Variants in TMPRSS2 observed in about 807,000 individuals in gnomAD.
The protein encoded by TMPRSS2 is transmembrane protease serine 2.
A neutral mutation model predicts 67.4 loss-of-function variants in TMPRSS2; 59 were observed. That is an observed-to-expected ratio of 0.88 (90% CI 0.71 to 1.09). The LOEUF (loss-of-function observed/expected upper bound fraction) is 1.09. Among genes scored for constraint, TMPRSS2 ranks in the 50% least tolerant of loss-of-function variants. The pLI is 0.00. For synonymous variants in TMPRSS2, 257 were observed against 257.0 expected, an observed-to-expected ratio of 1.00 and a Z score of 0.00; for missense variants, 668 against 642.7, an observed-to-expected ratio of 1.04 and a Z score of -0.43.
At position 41,467,816 on chromosome 21, in the gene TMPRSS2, C is replaced by T. The variant is rs936556491; in HGVS notation, c.1385G>A (p.Gly462Asp). The T allele has an allele frequency of 3.7e-6, 6 of 1,614,122 alleles. No homozygotes were observed. Among genetic ancestry groups the T allele is most frequent in the Non-Finnish European group, 2.5e-6 (3 of 1,180,054 alleles). ...TCTGTAAGCTTTGGCACAGCCAGAA[C>T]CCCAGCTTGTATCCCCTATCAGCCA... Reference protein sequence around the residue: ...IWWLIGDTSWGSGCAKAYRPG... With the variant: ...IWWLIGDTSWDSGCAKAYRPG... Residue 462 changes from glycine to aspartate, a missense_variant, in exon 13 of 14, where the codon GGT (glycine) becomes GAT (aspartate). By Grantham distance (94) the Gly-to-Asp change is moderately conservative. Coordinates refer to ENST00000332149, the MANE Select transcript of TMPRSS2 (RefSeq NM_005656.4).
chr21:41,471,912 T>A lies in TMPRSS2; in HGVS notation c.969A>T (p.Gly323=), dbSNP rs2146427961. ...GILRQSFMFY[G]AGYQVEKVIS... is the part of the protein sequence containing the mutation. ...TCACTTTTTCTACTTGGTATCCGGCTCCATAGAACATGAAAGATTGTCTCA... is the reference window on the plus strand; with the variant it reads ...TCACTTTTTCTACTTGGTATCCGGCACCATAGAACATGAAAGATTGTCTCA... The change falls in exon 10 of 14, where the codon GGA becomes GGT. Residue 323 remains glycine (G), a synonymous_variant. Transcript: ENST00000332149. 2 of 1,613,380 alleles carry A rather than the reference T, an allele frequency of 1.2e-6. No individual in the cohort carries two copies. The highest frequency in any genetic ancestry group is 1.7e-6 in the Non-Finnish European group (2 of 1,179,840).
At chr21:41,469,334 C>T (rs1480935124) in intron 11 of TMPRSS2, among the ~76,000 whole-genome samples, 1 of 152,060 alleles carries the variant, frequency 6.6e-6, no homozygotes, top group Non-Finnish European at 1.5e-5. Context: ...AGCTGGCTTC[C>T]TGTCTCAAGG....
chr21:41,468,378 A>C lies in TMPRSS2; in HGVS notation c.1314+18T>G. 6.2e-7 allele frequency: 1 copy of C among 1,614,002 alleles called. No homozygotes were observed. The highest frequency in any genetic ancestry group is 8.5e-7 in the Non-Finnish European group (1 of 1,179,962). On this transcript the variant is annotated intron_variant, in intron 12 of 13. Coordinates refer to ENST00000332149, the MANE Select transcript of TMPRSS2 (RefSeq NM_005656.4). ...GGATCTGGTAAGGACCAAAGGTAGA[A>C]TAAAAATGTTGAATTACCTGGCAAG... is the stretch of plus-strand genomic sequence containing the variant.
intron 1 of TMPRSS2, among the ~76,000 whole-genome samples, chr21:41,500,467 T>C (rs958019600): frequency 6.6e-6 from 1 of 152,212 alleles, no homozygotes; most frequent in Non-Finnish European, 1.5e-5. Flanking sequence ...ACACCATCGC[T>C]TTCCTGTGTC....
intron 3 of TMPRSS2, among the ~76,000 whole-genome samples, chr21:41,493,421 G>C (rs555725136): frequency 6.6e-6 from 1 of 152,258 alleles, no homozygotes; most frequent in South Asian, 2.1e-4. Flanking sequence ...GAGTGGGGGA[G>C]AGGTGGGGAC....
chr21:41,470,847 G>T, intron 10 of TMPRSS2, 104 bp from the exon 11 acceptor site: 1 of 805,222 alleles, frequency 1.2e-6, no homozygotes, highest in Non-Finnish European at 2.0e-6. Flanking sequence ...TGGCCACCCT[G>T]CCCAGAGGAC....
chr21:41,466,116 G>A lies in TMPRSS2; in HGVS notation c.*26C>T, dbSNP rs1003138025. On this transcript the variant is annotated 3_prime_UTR_variant, in exon 14 of 14. Transcript: ENST00000332149. ...CAGCCCCATTGTTTTCTTGTAAAACGACGTCAAGGACGAAGACCATGTGGA... is the reference window on the plus strand; with the variant it reads ...CAGCCCCATTGTTTTCTTGTAAAACAACGTCAAGGACGAAGACCATGTGGA... 8 of 1,613,536 alleles carry A rather than the reference G, an allele frequency of 5.0e-6. No individual in the cohort carries two copies. The highest frequency in any genetic ancestry group is 1.3e-5 in the African/African-American group (1 of 74,872).
intron 1 of TMPRSS2, among the ~76,000 whole-genome samples, chr21:41,498,969 G>A (rs191457025): frequency 3.3e-5 from 5 of 152,110 alleles, no homozygotes; most frequent in African/African-American, 1.2e-4. Context: ...GTCTTTCCCC[G>A]AGAACGTCCA....
At chr21:41,468,570 T>C in intron 11 of TMPRSS2, 32 bp from the exon 12 acceptor site, 1 of 1,612,188 alleles carries the variant, frequency 6.2e-7, no homozygotes, top group Non-Finnish European at 8.5e-7. Flanking sequence ...GAGCTCCCAG[T>C]GTTGCCTGCA....
rs778799028 is a variant in TMPRSS2, at chr21:41,476,631, AAC to A, written c.684-13_684-12del. 15 of 1,489,438 alleles carry A rather than the reference AAC, an allele frequency of 1.0e-5. No homozygotes were observed. In the African/African-American group the frequency reaches 2.0e-4, roughly 20 times the overall value. 92.3% of individuals were successfully genotyped at this position (1,489,438 alleles called of 1,614,324 possible). On this transcript the variant is annotated splice_polypyrimidine_tract_variant and intron_variant, in intron 7 of 13. Transcript: ENST00000332149. Reference sequence around the variant, plus strand: ...GAAGAACAGGCATCACTGCAAAAAGAACAGGGGAAATTCTGGTCACGATAGTG... The same window carrying A: ...GAAGAACAGGCATCACTGCAAAAAGAAGGGGAAATTCTGGTCACGATAGTG...
chr21:41,479,297 CTT>C lies in TMPRSS2; in HGVS notation c.573-17_573-16del. On this transcript the variant is annotated splice_polypyrimidine_tract_variant and intron_variant, in intron 6 of 13. Coordinates refer to ENST00000332149, the MANE Select transcript of TMPRSS2 (RefSeq NM_005656.4). ...AAAAATTATTCCTAAAAAAGAAAAC[CTT>C]ATTTGTGATAATGGTTAAGGCATAA... is the stretch of plus-strand genomic sequence containing the variant. 1 of 1,597,508 alleles carries C rather than the reference CTT, an allele frequency of 6.3e-7. No homozygotes were observed. Among genetic ancestry groups the C allele is most frequent in the Non-Finnish European group, 8.6e-7 (1 of 1,165,950 alleles).
chr21:41,471,447 G>A (rs1261101285), intron 10 of TMPRSS2, among the ~76,000 whole-genome samples: 1 of 152,212 alleles, frequency 6.6e-6, no homozygotes, highest in Non-Finnish European at 1.5e-5. Context: ...CTGGCCTCCA[G>A]TGGGTAGAGG....
rs771196172 is a variant in TMPRSS2 at position 41,467,807 on chromosome 21, C to T, written c.1394G>A (p.Cys465Tyr). The change falls in exon 13 of 14, where the codon TGT (cysteine) becomes TAT (tyrosine). Residue 465 changes from cysteine to tyrosine, a missense_variant. By Grantham distance (194) the Cys-to-Tyr change is radical. Coordinates refer to ENST00000332149, the MANE Select transcript of TMPRSS2 (RefSeq NM_005656.4). ...CACTCCTGGTCTGTAAGCTTTGGCACAGCCAGAACCCCAGCTTGTATCCCC... is the reference window on the plus strand; with the variant it reads ...CACTCCTGGTCTGTAAGCTTTGGCATAGCCAGAACCCCAGCTTGTATCCCC... The part of the protein sequence containing the change: ...LIGDTSWGSG[C>Y]AKAYRPGVYG... 8.1e-6 allele frequency: 13 copies of T among 1,614,136 alleles called. No individual in the cohort carries two copies. The highest frequency in any genetic ancestry group is 9.3e-6 in the Non-Finnish European group (11 of 1,180,060).
intron 7 of TMPRSS2, among the ~76,000 whole-genome samples, chr21:41,477,690 G>A (rs1024998014): frequency 2.6e-5 from 4 of 151,990 alleles, no homozygotes; most frequent in Non-Finnish European, 4.4e-5. Flanking sequence ...GCACTGACAC[G>A]GCCAAGTGAA....
At chr21:41,502,367 A>C in intron 1 of TMPRSS2, 1 of 984,738 alleles carries the variant, frequency 1.0e-6, no homozygotes. Context: ...TGAAGTCTCC[A>C]CTGACCTCAC....
At chr21:41,491,376 G>A (rs1432097920) in intron 3 of TMPRSS2, among the ~76,000 whole-genome samples, 4 of 151,824 alleles carry the variant, frequency 2.6e-5, no homozygotes, top group Non-Finnish European at 2.9e-5. Context: ...CGAACTCCTG[G>A]GCCCAAGTGA....
Position 41,478,610 on chromosome 21 carries a change from C to T in TMPRSS2, c.683+562G>A, listed in dbSNP as rs971324214. ...CTGTGGCTTGTACCCACTTCTACCC[C>T]CTGGAAACACCACAACTCATTCCCA... On this transcript the variant is annotated intron_variant, in intron 7 of 13. Transcript: ENST00000332149. This position sits in a 1 kb window ranked among gnomAD's most constrained non-coding sequence, Gnocchi z 4.0. Among the ~76,000 whole-genome samples, 8 of 152,198 alleles carry T rather than the reference C, an allele frequency of 5.3e-5. No homozygotes were observed. Among genetic ancestry groups the T allele is most frequent in the African/African-American group, 1.2e-4 (5 of 41,438 alleles).
At chr21:41,485,543 G>C (rs1017755218) in intron 5 of TMPRSS2, among the ~76,000 whole-genome samples, 3 of 152,028 alleles carry the variant, frequency 2.0e-5, no homozygotes, top group Middle Eastern at 3.4e-3. Flanking sequence ...CAGCCACTTG[G>C]GGGGCTGAGG....
intron 8 of TMPRSS2, 36 bp downstream of exon 8, chr21:41,476,541 T>C (rs1359237726): frequency 6.2e-7 from 1 of 1,602,638 alleles, no homozygotes. Context: ...TTTTCCTAGT[T>C]AGAAGTATCA....
Sources: allele counts gnomAD v4.1 joint callset (sites outside exome capture counted in the v4.1 genomes callset), GRCh38; gene constraint gnomAD v4.1.1; non-coding constraint Gnocchi (gnomAD v3.1); transcripts MANE v1.5; gene names NCBI Gene and HGNC (gene_info 2026-07-23, HGNC 2026-07-21).